ARB2A: variants seen among roughly 807,000 people sequenced by gnomAD.
ARB2A encodes the protein cotranscriptional regulator ARB2A.
the ARB2A span, among the ~76,000 whole-genome samples, chr5:93,774,145 G>A: frequency 2.6e-5 from 4 of 152,202 alleles, no homozygotes; most frequent in African/African-American, 9.6e-5. Flanking sequence ...CATAGAAGAC[G>A]GTGAACTTAA....
At chr5:93,626,174 T>C in the ARB2A span, among the ~76,000 whole-genome samples, 1 of 152,216 alleles carries the variant, frequency 6.6e-6, no homozygotes, top group Non-Finnish European at 1.5e-5. Flanking sequence ...GTTAATGAAA[T>C]CTATTTTTAA....
chr5:93,953,424 T>C, the ARB2A span, among the ~76,000 whole-genome samples: 8 of 152,192 alleles, frequency 5.3e-5, no homozygotes, highest in African/African-American at 1.9e-4. Context: ...GTAGAGGTAC[T>C]GCCTTGTTGG....
At chr5:93,750,532 T>C in the ARB2A span, among the ~76,000 whole-genome samples, 1 of 152,138 alleles carries the variant, frequency 6.6e-6, no homozygotes, top group Non-Finnish European at 1.5e-5. Flanking sequence ...ATGTCTTATT[T>C]TATTTTTGAG....
chr5:93,772,863 G>A, the ARB2A span, among the ~76,000 whole-genome samples: 1 of 152,216 alleles, frequency 6.6e-6, no homozygotes, highest in East Asian at 1.9e-4. Context: ...ACAAGAGAGA[G>A]CCTGAGGTCT....
the ARB2A span, among the ~76,000 whole-genome samples, chr5:93,864,993 A>G: frequency 7.2e-5 from 11 of 152,308 alleles, no homozygotes; most frequent in South Asian, 2.3e-3. Flanking sequence ...ATTGAAATGA[A>G]ATGTGAAGAG....
the ARB2A span, among the ~76,000 whole-genome samples, chr5:93,751,010 T>C: frequency 2.0e-5 from 3 of 152,206 alleles, no homozygotes; most frequent in South Asian, 2.1e-4. Context: ...TCTGAAATAT[T>C]AGCTAAGAAC....
chr5:93,760,858 C>A, the ARB2A span, among the ~76,000 whole-genome samples: 1 of 152,136 alleles, frequency 6.6e-6, no homozygotes, highest in Non-Finnish European at 1.5e-5. Flanking sequence ...ATTTCATGAC[C>A]AAGAACCCAA....
the ARB2A span, among the ~76,000 whole-genome samples, chr5:94,090,202 G>T: frequency 2.6e-5 from 4 of 152,078 alleles, no homozygotes; most frequent in Admixed American, 6.5e-5. Context: ...TTATTTCCTT[G>T]AGCAGTGGTT....
the ARB2A span, among the ~76,000 whole-genome samples, chr5:93,667,872 T>C: frequency 2.0e-5 from 3 of 152,328 alleles, no homozygotes; most frequent in Admixed American, 1.3e-4. Flanking sequence ...TGAATTTCAC[T>C]GCCAAAAGAC....
At chr5:94,058,877 A>C in the ARB2A span, among the ~76,000 whole-genome samples, 1 of 152,122 alleles carries the variant, frequency 6.6e-6, no homozygotes, top group East Asian at 1.9e-4. Context: ...GGCAGAACTC[A>C]TGGAAATAAT....
At chr5:93,662,862 C>T in the ARB2A span, among the ~76,000 whole-genome samples, 5 of 152,178 alleles carry the variant, frequency 3.3e-5, no homozygotes, top group Non-Finnish European at 7.4e-5. Context: ...TTGAAAAGAA[C>T]AGAAATTATT....
At chr5:93,998,411 T>C in the ARB2A span, among the ~76,000 whole-genome samples, 3 of 152,016 alleles carry the variant, frequency 2.0e-5, no homozygotes, top group African/African-American at 7.2e-5. Flanking sequence ...TAAAAAGATG[T>C]ACAAATTTAG....
the ARB2A span, among the ~76,000 whole-genome samples, chr5:93,815,541 C>A: frequency 6.6e-6 from 1 of 152,158 alleles, no homozygotes; most frequent in Non-Finnish European, 1.5e-5. Context: ...CATAATCAGA[C>A]TTCTGCCTTG....
the ARB2A span, among the ~76,000 whole-genome samples, chr5:93,979,320 G>C: frequency 2.9e-3 from 444 of 152,104 alleles, 2 homozygotes; most frequent in African/African-American, 0.011. Flanking sequence ...TTTACCTTTA[G>C]GGCCAAGAAG....
At chr5:93,745,268 C>T in the ARB2A span, among the ~76,000 whole-genome samples, 3 of 152,274 alleles carry the variant, frequency 2.0e-5, no homozygotes, top group African/African-American at 7.2e-5. Context: ...ACCACAGTGA[C>T]GTCCCTCCCC....
At chr5:93,886,748 G>T in the ARB2A span, among the ~76,000 whole-genome samples, 1 of 151,620 alleles carries the variant, frequency 6.6e-6, no homozygotes, top group Non-Finnish European at 1.5e-5. Flanking sequence ...CGTGACCTGG[G>T]ACTGAAACGC....
At chr5:93,896,530 G>C in the ARB2A span, among the ~76,000 whole-genome samples, 1 of 152,034 alleles carries the variant, frequency 6.6e-6, no homozygotes, top group Non-Finnish European at 1.5e-5. Flanking sequence ...TGCAAATACT[G>C]CAAAATCTGA....
the ARB2A span, among the ~76,000 whole-genome samples, chr5:93,715,379 CTTG>C: frequency 6.6e-6 from 1 of 152,166 alleles, no homozygotes; most frequent in Admixed American, 6.5e-5. Context: ...CTTAAGTCAT[CTTG>C]TTAAATTTTG....
chr5:93,740,644 C>T, the ARB2A span: 2 of 1,613,768 alleles, frequency 1.2e-6, no homozygotes, highest in Non-Finnish European at 1.7e-6. Context: ...AGAGTAGAGA[C>T]GTGTATAGTG....
Sources: gnomAD v4.1 joint callset for allele counts (sites outside exome capture counted in the v4.1 genomes callset) on GRCh38, gnomAD v4.1.1 for gene constraint, MANE v1.5 for transcripts, NCBI Gene and HGNC (gene_info 2026-07-23, HGNC 2026-07-21) for gene names.